SERBP1: variants seen among roughly 807,000 people sequenced by gnomAD.
The protein encoded by SERBP1 is SERPINE1 mRNA-binding protein 1.
A neutral mutation model predicts 50.2 loss-of-function variants in SERBP1; 6 were observed. The observed-to-expected ratio is 0.12, with a 90% CI of 0.07 to 0.24. The LOEUF is 0.24. SERBP1 is among the 10% of genes least tolerant of loss of function. SERBP1 has a pLI of 1.00. For missense variants in SERBP1, 346 were observed against 524.9 expected (o/e 0.66, Z 3.33); for synonymous variants, 168 against 182.8 (o/e 0.92, Z 0.65).
At chr1:67,429,868 G>A (rs1464286788) in intron 1 of SERBP1, 120 bp downstream of exon 1, 3 of 1,104,112 alleles carry the variant, frequency 2.7e-6, no homozygotes, top group Non-Finnish European at 3.9e-6. Context: ...GAAGAAACGT[G>A]AGGATATAGG....
chr1:67,427,671 CAAT>C (rs1402346137), intron 1 of SERBP1, among the ~76,000 whole-genome samples: 3 of 152,304 alleles, frequency 2.0e-5, no homozygotes, highest in African/African-American at 7.2e-5. Flanking sequence ...CCAGTCCTTG[CAAT>C]AATATCCAAG....
At chr1:67,418,733 T>C (rs1398865788) in intron 6 of SERBP1, among the ~76,000 whole-genome samples, 2 of 151,472 alleles carry the variant, frequency 1.3e-5, no homozygotes, top group East Asian at 1.9e-4. Flanking sequence ...CATTCCAGCC[T>C]GGGCGACAGA....
At chr1:67,421,943 CA>C (rs1274377494) in intron 5 of SERBP1, among the ~76,000 whole-genome samples, 1 of 151,582 alleles carries the variant, frequency 6.6e-6, no homozygotes, top group Non-Finnish European at 1.5e-5. Flanking sequence ...CTCAAAGAAA[CA>C]AAAAAAAGTT....
chr1:67,417,930 C>T (rs183424065), intron 6 of SERBP1, among the ~76,000 whole-genome samples: 293 of 148,440 alleles, frequency 2.0e-3, no homozygotes, highest in African/African-American at 7.0e-3. Flanking sequence ...AACTACCTCA[C>T]ATTTGTCACG....
chr1:67,427,412 A>G (rs988981761), intron 1 of SERBP1, among the ~76,000 whole-genome samples: 7 of 152,170 alleles, frequency 4.6e-5, no homozygotes, highest in African/African-American at 1.7e-4. Flanking sequence ...GCAGCTGAGG[A>G]ATTGGTTTTA....
intron 1 of SERBP1, among the ~76,000 whole-genome samples, chr1:67,428,725 CAA>C (rs1667467213): frequency 1.8e-5 from 2 of 109,788 alleles, no homozygotes; most frequent in African/African-American, 3.9e-5. Context: ...CCGAGCCTCA[CAA>C]AAGTCCTCAA....
At chr1:67,422,803 T>TA (rs1667242690) in intron 5 of SERBP1, among the ~76,000 whole-genome samples, 1 of 148,336 alleles carries the variant, frequency 6.7e-6, no homozygotes, top group Non-Finnish European at 1.5e-5. Context: ...CTACTAAAAA[T>TA]ACAAAAAATT....
Position 67,412,036 on chromosome 1 carries a change from G to A in SERBP1, c.*1171C>T, listed in dbSNP as rs188320468. 30 of 152,722 alleles carry A rather than the reference G, an allele frequency of 2.0e-4. No homozygotes were observed. Among genetic ancestry groups the A allele is most frequent in the African/African-American group, 6.7e-4 (28 of 41,562 alleles). 9.5% of individuals were successfully genotyped at this position (152,722 alleles called of 1,614,324 possible). A position where few individuals can be genotyped will look rare whatever the true frequency, so the allele number is the denominator to read the frequency against. ...TAGCAATCTAGGAAATTTAGAAACA[G>A]TAAAGGTTTTTGGTTTATATTTCAT... On this transcript the variant is annotated 3_prime_UTR_variant, in exon 8 of 8. Coordinates refer to ENST00000361219, the MANE Select transcript of SERBP1 (RefSeq NM_001018069.2).
At chr1:67,414,517 G>A (rs1666943863) in intron 7 of SERBP1, among the ~76,000 whole-genome samples, 1 of 152,144 alleles carries the variant, frequency 6.6e-6, no homozygotes, top group African/African-American at 2.4e-5. Flanking sequence ...AGGACATTAT[G>A]GTTGTTTCCA....
chr1:67,409,655 T>C lies in SERBP1; in HGVS notation c.*3552A>G, dbSNP rs1666765065. On this transcript the variant is annotated 3_prime_UTR_variant, in exon 8 of 8. Coordinates refer to ENST00000361219, the MANE Select transcript of SERBP1 (RefSeq NM_001018069.2). Reference sequence around the variant, plus strand: ...CGACTTCCTCAGCCTGAAAGATTTATTTCAATCACTTCACATAACCTCCAA... The same window carrying C: ...CGACTTCCTCAGCCTGAAAGATTTACTTCAATCACTTCACATAACCTCCAA... 6.6e-6 allele frequency: 1 copy of C among 152,192 alleles called. No homozygotes were observed. Among genetic ancestry groups the C allele is most frequent in the African/African-American group, 2.4e-5 (1 of 41,450 alleles). The allele number at this position is 152,192 out of a possible 1,614,324, so 9.4% of individuals were successfully genotyped here.
Position 67,419,954 on chromosome 1 carries a change from A to G in SERBP1, c.951+55T>C, listed in dbSNP as rs942280360. 4 of 1,490,286 alleles carry G rather than the reference A, an allele frequency of 2.7e-6. No individual in the cohort carries two copies. The African/African-American group carries it at 5.6e-5, about 21-fold the overall frequency. 92.3% of individuals were successfully genotyped at this position (1,490,286 alleles called of 1,614,324 possible). A position where few individuals can be genotyped will look rare whatever the true frequency, so the allele number is the denominator to read the frequency against. On this transcript the variant is annotated intron_variant, in intron 6 of 7. Coordinates refer to ENST00000361219, the MANE Select transcript of SERBP1 (RefSeq NM_001018069.2). ...GTGAAATTTTAAAACAAAAATTATA[A>G]ATACAATTCAAGTCACATCTGAACA...
intron 4 of SERBP1, 130 bp downstream of exon 4, chr1:67,424,758 C>T: frequency 2.8e-6 from 2 of 715,584 alleles, no homozygotes; most frequent in Admixed American, 2.6e-5. Flanking sequence ...TCCCATAAGA[C>T]ATTATCTTGT....
rs752896338 is a variant in SERBP1, at chr1:67,426,086, G to A, written c.464+49C>T. On this transcript the variant is annotated intron_variant, in intron 2 of 7. Transcript: ENST00000361219. ...GCCAAGCTTGTACCACTGCACTCCA[G>A]CCTACATGTTAGACCAAGACCCTGG... 3.3e-6 allele frequency: 5 copies of A among 1,518,024 alleles called. No homozygotes were observed. In the Admixed American group the frequency reaches 5.9e-5, roughly 18 times the overall value. The allele number at this position is 1,518,024 out of a possible 1,614,324, so 94.0% of individuals were successfully genotyped here. A position where few individuals can be genotyped will look rare whatever the true frequency, so the allele number is the denominator to read the frequency against.
chr1:67,408,750 A>AT lies in SERBP1; in HGVS notation c.*4456dup, dbSNP rs1306422706. The AT allele has an allele frequency of 6.6e-5, 10 of 152,266 alleles. No individual in the cohort carries two copies. The highest frequency in any genetic ancestry group is 2.1e-4 in the South Asian group (1 of 4,822). The allele number at this position is 152,266 out of a possible 1,614,324, so 9.4% of individuals were successfully genotyped here. A position where few individuals can be genotyped will look rare whatever the true frequency, so the allele number is the denominator to read the frequency against. ...CTAAATGTGAAATACTAATCATGGT[A>AT]TTTTTTAACAGATTATACACCCCTT... On this transcript the variant is annotated 3_prime_UTR_variant, in exon 8 of 8. Transcript: ENST00000361219.
At chr1:67,421,659 ATTAAACAGTTGTGG>A (rs1459917596) in intron 5 of SERBP1, among the ~76,000 whole-genome samples, 20 of 152,326 alleles carry the variant, frequency 1.3e-4, no homozygotes, top group African/African-American at 4.6e-4. Context: ...CATGGGCTCT[ATTAAACAGTTGTGG>A]TTGGACACGG....
intron 7 of SERBP1, among the ~76,000 whole-genome samples, chr1:67,414,411 C>A (rs1482722977): frequency 6.6e-6 from 1 of 152,128 alleles, no homozygotes; most frequent in Non-Finnish European, 1.5e-5. Flanking sequence ...AGTATCATTA[C>A]ACTGGCAATG....
Position 67,410,321 on chromosome 1 carries a change from T to G in SERBP1, c.*2886A>C, listed in dbSNP as rs1039765841. The G allele has an allele frequency of 6.6e-6, 1 of 152,190 alleles. No individual in the cohort carries two copies. Among genetic ancestry groups the G allele is most frequent in the Non-Finnish European group, 1.5e-5 (1 of 68,032 alleles). The allele number at this position is 152,190 out of a possible 1,614,324, so 9.4% of individuals were successfully genotyped here. On this transcript the variant is annotated 3_prime_UTR_variant, in exon 8 of 8. Transcript: ENST00000361219. ...TTTGTATGCAACTCCCTGTTCTATT[T>G]CAGTGCAACCATCTCTGGCAACTAG...
chr1:67,430,220 G>T lies in SERBP1; in HGVS notation c.81C>A (p.Pro27=). The T allele has an allele frequency of 1.9e-6, 3 of 1,602,026 alleles. No homozygotes were observed. In the South Asian group the frequency reaches 3.4e-5, roughly 18 times the overall value. ...FDQLFDDESD[P]FEVLKAAENK... The stretch of plus-strand genomic sequence containing the variant: ...TCTCTGCTGCCTTCAGCACCTCGAA[G>T]GGGTCCGATTCGTCGTCAAATAACT... Residue 27 remains proline, a synonymous_variant, in exon 1 of 8, where the codon CCC becomes CCA. Transcript: ENST00000361219.
rs1270965837 is a variant in SERBP1 at position 67,411,481 on chromosome 1, A to T, written c.*1726T>A. ...CTCTGGGTAGCACGTATGTGTGTAA[A>T]TATAAAATTATATTAGACATTAGCA... is the stretch of plus-strand genomic sequence containing the variant. On this transcript the variant is annotated 3_prime_UTR_variant, in exon 8 of 8. Transcript: ENST00000361219. The T allele has an allele frequency of 6.6e-6, 1 of 152,180 alleles. No homozygotes were observed. The highest frequency in any genetic ancestry group is 2.4e-5 in the African/African-American group (1 of 41,448). 9.4% of individuals were successfully genotyped at this position (152,180 alleles called of 1,614,324 possible).
Sources: gnomAD v4.1 joint callset for allele counts (sites outside exome capture counted in the v4.1 genomes callset) on GRCh38, gnomAD v4.1.1 for gene constraint, MANE v1.5 for transcripts, NCBI Gene and HGNC (gene_info 2026-07-23, HGNC 2026-07-21) for gene names.